Variants in MRPS33 observed in about 807,000 individuals in gnomAD.
The protein encoded by MRPS33 is mitochondrial ribosomal protein S33, also known as small ribosomal subunit protein mS33.
MRPS33 carries 11 observed loss-of-function variants against 11.2 expected under a neutral mutation model. That is an observed-to-expected ratio of 0.99 (90% CI 0.62 to 1.63). The LOEUF (loss-of-function observed/expected upper bound fraction) is 1.63, where lower values mean the gene tolerates loss of function less well. Among genes scored for constraint, MRPS33 ranks in the 40% most tolerant of loss-of-function variants. The probability of loss-of-function intolerance (pLI) is 0.00; values close to 1 mark genes in which losing one functional copy is unlikely to be tolerated. For synonymous variants in MRPS33, 46 were observed against 44.0 expected (o/e 1.05, Z -0.18); for missense variants, 109 against 127.8 (o/e 0.85, Z 0.71).
intron 2 of MRPS33, among the ~76,000 whole-genome samples, chr7:141,007,351 G>A (rs925559029): frequency 6.6e-6 from 1 of 152,114 alleles, no homozygotes; most frequent in African/African-American, 2.4e-5. Flanking sequence ...TGAATCAAAT[G>A]TAAGAGAGGG....
In MRPS33 at chr7:141,003,391, A is replaced by G. The variant is rs1820451389; in HGVS notation, c.*3039T>C. Reference sequence around the variant, plus strand: ...CAGCTGGTCCATCGTACTTCTGTACAGGCTGTTTTGAGTCACACAGCTTGC... The same window carrying G: ...CAGCTGGTCCATCGTACTTCTGTACGGGCTGTTTTGAGTCACACAGCTTGC... On this transcript the variant is annotated 3_prime_UTR_variant, in exon 3 of 3. Coordinates refer to ENST00000324787, the MANE Select transcript of MRPS33 (RefSeq NM_053035.3). 6.6e-6 allele frequency: 1 copy of G among 152,236 alleles called. No individual in the cohort carries two copies. The highest frequency in any genetic ancestry group is 1.5e-5 in the Non-Finnish European group (1 of 68,048). The allele number at this position is 152,236 out of a possible 1,614,324, so 9.4% of individuals were successfully genotyped here. A position where few individuals can be genotyped will look rare whatever the true frequency, so the allele number is the denominator to read the frequency against.
rs755929072 is a variant in MRPS33, at chr7:141,006,454, C to T, written c.297G>A (p.Gly99=). The T allele has an allele frequency of 5.0e-6, 8 of 1,613,564 alleles. No homozygotes were observed. The Admixed American group carries it at 1.3e-4, about 27-fold the overall frequency. The part of the protein sequence containing the change: ...RGKEKPKKGE[G]KRAAKRK ...ACTATTTCCTTTTTGCTGCTCTTTT[C>T]CCTTCTCCTTTCTTTGGTTTCTCCT... Residue 99 remains glycine (G), a synonymous_variant, in exon 3 of 3, where the codon GGG becomes GGA. Transcript: ENST00000324787.
rs915859623 is a variant in MRPS33 at position 141,005,307 on chromosome 7, A to T, written c.*1123T>A. 6.6e-6 allele frequency: 1 copy of T among 151,808 alleles called. No homozygotes were observed. Among genetic ancestry groups the T allele is most frequent in the African/African-American group, 2.4e-5 (1 of 41,298 alleles). The allele number at this position is 151,808 out of a possible 1,614,324, so 9.4% of individuals were successfully genotyped here. ...ACTCTCTGCCTCAAACCCCTTTCTCACCATTTTCCTTTTGGCAACCTCTTA... is the reference window on the plus strand; with the variant it reads ...ACTCTCTGCCTCAAACCCCTTTCTCTCCATTTTCCTTTTGGCAACCTCTTA... On this transcript the variant is annotated 3_prime_UTR_variant, in exon 3 of 3. Transcript: ENST00000324787.
chr7:141,008,112 T>C (rs1240041718), intron 2 of MRPS33, among the ~76,000 whole-genome samples: 1 of 152,210 alleles, frequency 6.6e-6, no homozygotes, highest in Admixed American at 6.5e-5. Flanking sequence ...TATTGGAGAC[T>C]GTCTAGTTTC....
chr7:141,014,158 C>T (rs1820745249), intron 1 of MRPS33, among the ~76,000 whole-genome samples: 1 of 152,190 alleles, frequency 6.6e-6, no homozygotes, highest in Admixed American at 6.5e-5. Context: ...CTGCCAGGTT[C>T]TCTCATCGAC....
rs1472634472 is a variant in MRPS33, at chr7:141,006,451, T to C, written c.300A>G (p.Lys100=). ...AACACTATTTCCTTTTTGCTGCTCTTTTCCCTTCTCCTTTCTTTGGTTTCT... is the reference window on the plus strand; with the variant it reads ...AACACTATTTCCTTTTTGCTGCTCTCTTCCCTTCTCCTTTCTTTGGTTTCT... The part of the protein sequence containing the change: ...GKEKPKKGEG[K]RAAKRK The change falls in exon 3 of 3, where the codon AAA becomes AAG. Residue 100 remains lysine, a synonymous_variant. Transcript: ENST00000324787. 6.2e-7 allele frequency: 1 copy of C among 1,613,502 alleles called. No individual in the cohort carries two copies.
Position 141,010,653 on chromosome 7 carries a change from T to TA in MRPS33, c.-21dup, listed in dbSNP as rs150362522. On this transcript the variant is annotated 5_prime_UTR_variant, in exon 2 of 3. Coordinates refer to ENST00000324787, the MANE Select transcript of MRPS33 (RefSeq NM_053035.3). ...GGACATTTCTTGAGTGGCAAGGAGTTAGAGTTCCTATTGAAAATGAGAAGA... is the reference window on the plus strand; with the variant it reads ...GGACATTTCTTGAGTGGCAAGGAGTTAAGAGTTCCTATTGAAAATGAGAAGA... 8.3e-4 allele frequency: 1,324 copies of TA among 1,603,180 alleles called. 8 individuals carry two copies. In the African/African-American group the frequency reaches 0.016, roughly 19 times the overall value.
rs1820469753 is a variant in MRPS33, at chr7:141,004,205, CAGG to C, written c.*2222_*2224del. On this transcript the variant is annotated 3_prime_UTR_variant, in exon 3 of 3. Transcript: ENST00000324787. ...GTCCCAGCTACTTGGGAGGCTGAGGCAGGAGAATGGCGTGAACCCGGGAGGTGG... is the reference window on the plus strand; with the variant it reads ...GTCCCAGCTACTTGGGAGGCTGAGGCAGAATGGCGTGAACCCGGGAGGTGG... The C allele has an allele frequency of 6.6e-6, 1 of 152,112 alleles. No homozygotes were observed. The highest frequency in any genetic ancestry group is 6.6e-5 in the Admixed American group (1 of 15,266). 9.4% of individuals were successfully genotyped at this position (152,112 alleles called of 1,614,324 possible).
rs1820506848 is a variant in MRPS33, at chr7:141,005,634, G to C, written c.*796C>G. 6.6e-6 allele frequency: 1 copy of C among 152,210 alleles called. No individual in the cohort carries two copies. Among genetic ancestry groups the C allele is most frequent in the Non-Finnish European group, 1.5e-5 (1 of 68,060 alleles). 9.4% of individuals were successfully genotyped at this position (152,210 alleles called of 1,614,324 possible). A position where few individuals can be genotyped will look rare whatever the true frequency, so the allele number is the denominator to read the frequency against. On this transcript the variant is annotated 3_prime_UTR_variant, in exon 3 of 3. Transcript: ENST00000324787. The stretch of plus-strand genomic sequence containing the variant: ...CAAAGTGGTGGGATTACAGGTGTGA[G>C]CAACAGCGCCTGGCTTAAATATCAT...
At chr7:141,010,308 C>G (rs1308165669) in intron 2 of MRPS33, 111 bp downstream of exon 2, 1 of 1,000,180 alleles carries the variant, frequency 1.0e-6, no homozygotes, top group African/African-American at 1.6e-5. Context: ...TTTGAACTAC[C>G]TGGGCTCTAT....
rs1820497124 is a variant in MRPS33 at position 141,005,272 on chromosome 7, T to G, written c.*1158A>C. ...ACAATTTCTTCATACCTTAGGGCTTTGCAAATAGTACTCTCTGCCTCAAAC... is the reference window on the plus strand; with the variant it reads ...ACAATTTCTTCATACCTTAGGGCTTGGCAAATAGTACTCTCTGCCTCAAAC... On this transcript the variant is annotated 3_prime_UTR_variant, in exon 3 of 3. Transcript: ENST00000324787. 6.6e-6 allele frequency: 1 copy of G among 152,234 alleles called. No homozygotes were observed. Among genetic ancestry groups the G allele is most frequent in the Non-Finnish European group, 1.5e-5 (1 of 68,044 alleles). 9.4% of individuals were successfully genotyped at this position (152,234 alleles called of 1,614,324 possible).
In MRPS33 at chr7:141,010,672, G is replaced by A. The variant is rs200559770; in HGVS notation, c.-27-12C>T. The stretch of plus-strand genomic sequence containing the variant: ...AGGAGTTAGAGTTCCTATTGAAAAT[G>A]AGAAGAAAGTTAAACAGGTTAGGGT... On this transcript the variant is annotated splice_polypyrimidine_tract_variant and intron_variant, in intron 1 of 2. Coordinates refer to ENST00000324787, the MANE Select transcript of MRPS33 (RefSeq NM_053035.3). 9 of 1,577,404 alleles carry A rather than the reference G, an allele frequency of 5.7e-6. No individual in the cohort carries two copies. The highest frequency in any genetic ancestry group is 7.8e-6 in the Non-Finnish European group (9 of 1,147,406).
At chr7:141,010,232 C>T in intron 2 of MRPS33, 187 bp downstream of exon 2, 2 of 476,094 alleles carry the variant, frequency 4.2e-6, no homozygotes, top group Non-Finnish European at 7.4e-6. Context: ...CATGAATTTC[C>T]TTTTTTTTTT....
rs1023523879 is a variant in MRPS33, at chr7:141,005,401, T to A, written c.*1029A>T. ...ATGTAGTCTTGCTCTGTTGCCAGGC[T>A]GGAGTGCAGTGGCGTGATCTCAACT... On this transcript the variant is annotated 3_prime_UTR_variant, in exon 3 of 3. Coordinates refer to ENST00000324787, the MANE Select transcript of MRPS33 (RefSeq NM_053035.3). 6.6e-6 allele frequency: 1 copy of A among 152,234 alleles called. No individual in the cohort carries two copies. Among genetic ancestry groups the A allele is most frequent in the Admixed American group, 6.5e-5 (1 of 15,280 alleles). 9.4% of individuals were successfully genotyped at this position (152,234 alleles called of 1,614,324 possible).
At chr7:141,010,320 A>T in intron 2 of MRPS33, 99 bp downstream of exon 2, 1 of 1,188,116 alleles carries the variant, frequency 8.4e-7, no homozygotes, top group South Asian at 1.5e-5. Context: ...GGGCTCTATT[A>T]TAAGAACAAA....
intron 2 of MRPS33, 171 bp downstream of exon 2, chr7:141,010,248 T>C: frequency 1.7e-6 from 1 of 602,274 alleles, no homozygotes; most frequent in Non-Finnish European, 2.9e-6. Flanking sequence ...TTTTTTGGTC[T>C]CTCCATTATG....
rs533738092 is a variant in MRPS33 at position 141,011,577 on chromosome 7, G to C, written c.-27-917C>G. Among the ~76,000 whole-genome samples the C allele has an allele frequency of 2.6e-5, 4 of 152,216 alleles. No individual in the cohort carries two copies. The South Asian group carries it at 8.3e-4, about 32-fold the overall frequency. ...TCAACTCAGTTTAGACCAGACGTAG[G>C]GGTTATTGTTGGCAGAATATGCCAA... On this transcript the variant is annotated intron_variant, in intron 1 of 2. Transcript: ENST00000324787.
chr7:141,010,580 T>C lies in MRPS33; in HGVS notation c.54A>G (p.Leu18=). ...TAGTAGGCCTGGTGACTTCACCAAA[T>C]AGCCGGGCACTGAGACGAGACATGC... ...AFRMSRLSAR[L]FGEVTRPTNS... The change falls in exon 2 of 3, where the codon CTA becomes CTG. Residue 18 remains leucine, a synonymous_variant. Coordinates refer to ENST00000324787, the MANE Select transcript of MRPS33 (RefSeq NM_053035.3). 2 of 1,614,212 alleles carry C rather than the reference T, an allele frequency of 1.2e-6. No individual in the cohort carries two copies. Among genetic ancestry groups the C allele is most frequent in the East Asian group, 2.2e-5 (1 of 44,888 alleles).
chr7:141,007,005 C>T (rs922162369), intron 2 of MRPS33, among the ~76,000 whole-genome samples: 1 of 152,108 alleles, frequency 6.6e-6, no homozygotes, highest in East Asian at 1.9e-4. Context: ...TTAGTGGCAG[C>T]AGGTAACTCA....
Sources: gnomAD v4.1 joint callset for allele counts (sites outside exome capture counted in the v4.1 genomes callset) on GRCh38, gnomAD v4.1.1 for gene constraint, MANE v1.5 for transcripts, NCBI Gene and HGNC (gene_info 2026-07-23, HGNC 2026-07-21) for gene names.